NRXN3: variants seen among roughly 807,000 people sequenced by gnomAD.
NRXN3 encodes the protein neurexin III.
In NRXN3, 32 loss-of-function variants were observed where a neutral mutation model predicts 137.6. That is an observed-to-expected ratio of 0.23 (90% CI 0.18 to 0.31). The LOEUF (loss-of-function observed/expected upper bound fraction) is 0.31, where lower values mean the gene tolerates loss of function less well. NRXN3 is among the 10% of genes least tolerant of loss of function. The pLI, the probability that NRXN3 is intolerant of heterozygous loss-of-function variation, is 1.00. For missense variants in NRXN3, 1,574 were observed against 2,062.5 expected, an observed-to-expected ratio of 0.76 and a Z score of 4.59; for synonymous variants, 798 against 784.5, an observed-to-expected ratio of 1.02 and a Z score of -0.29.
intron 8 of NRXN3, among the ~76,000 whole-genome samples, chr14:78,773,523 C>A (rs1317025558): frequency 1.3e-5 from 2 of 152,090 alleles, no homozygotes; most frequent in Non-Finnish European, 2.9e-5. Flanking sequence ...AATTCAGCTC[C>A]CACACTCCCC....
In NRXN3 at chr14:78,654,557, T is replaced by C. The variant is rs191067336; in HGVS notation, c.1221+3231T>C. Among the ~76,000 whole-genome samples the C allele has an allele frequency of 5.1e-4, 77 of 152,354 alleles. 1 individual carries two copies. Among genetic ancestry groups the C allele is most frequent in the Admixed American group, 5.0e-3 (77 of 15,298 alleles). On this transcript the variant is annotated intron_variant, in intron 6 of 20. Transcript: ENST00000335750. ...CCGTGATTGTGCCAAAGGGACTGGA[T>C]ATTACTTGTGTGCGTACTTCCTAAC...
chr14:78,813,942 A>G (rs2098923213), intron 10 of NRXN3, among the ~76,000 whole-genome samples: 1 of 152,100 alleles, frequency 6.6e-6, no homozygotes, highest in African/African-American at 2.4e-5. Flanking sequence ...AAGAAAAGCA[A>G]TTTTCTAATC....
chr14:79,136,525 A>G (rs1027906401), intron 15 of NRXN3, among the ~76,000 whole-genome samples: 1 of 152,226 alleles, frequency 6.6e-6, no homozygotes, highest in Non-Finnish European at 1.5e-5. Context: ...GAGGAAATCC[A>G]TTAGGAGAAG....
intron 20 of NRXN3, among the ~76,000 whole-genome samples, chr14:79,813,144 C>G (rs546213534): frequency 5.5e-4 from 83 of 152,242 alleles, no homozygotes; most frequent in African/African-American, 1.9e-3. Context: ...GAAATTCACA[C>G]CATCATTCTT....
chr14:78,566,925 A>G (rs777683900), intron 4 of NRXN3, among the ~76,000 whole-genome samples: 5 of 152,176 alleles, frequency 3.3e-5, no homozygotes, highest in African/African-American at 1.2e-4. Context: ...AGGTGGGGGC[A>G]GGACTTTGGA....
intron 15 of NRXN3, among the ~76,000 whole-genome samples, chr14:79,162,773 T>C (rs2060915149): frequency 6.6e-6 from 1 of 151,920 alleles, no homozygotes; most frequent in Non-Finnish European, 1.5e-5. Flanking sequence ...GATTGTTACA[T>C]GAATTACCAA....
intron 15 of NRXN3, among the ~76,000 whole-genome samples, chr14:79,285,446 G>A (rs770736648): frequency 6.6e-6 from 1 of 152,190 alleles, no homozygotes; most frequent in Non-Finnish European, 1.5e-5. Flanking sequence ...CTGCCATAAA[G>A]TAGTAAAGTA....
intron 14 of NRXN3, among the ~76,000 whole-genome samples, chr14:78,976,322 G>A (rs1201154666): frequency 2.6e-5 from 4 of 152,064 alleles, no homozygotes; most frequent in Non-Finnish European, 2.9e-5. Flanking sequence ...AGAAATGTAA[G>A]GTGTCCCTCT....
chr14:78,809,856 T>A (rs1308670500), intron 9 of NRXN3, among the ~76,000 whole-genome samples: 2 of 152,178 alleles, frequency 1.3e-5, no homozygotes, highest in Non-Finnish European at 2.9e-5. Context: ...ACAAAAATTG[T>A]GTTAATGCTA....
intron 10 of NRXN3, among the ~76,000 whole-genome samples, chr14:78,927,698 A>G (rs2099309805): frequency 6.6e-6 from 1 of 152,078 alleles, no homozygotes; most frequent in Non-Finnish European, 1.5e-5. Context: ...TATGATATTG[A>G]TTTCATAGGT....
intron 4 of NRXN3, among the ~76,000 whole-genome samples, chr14:78,562,671 A>G (rs1429630415): frequency 6.6e-6 from 1 of 152,190 alleles, no homozygotes; most frequent in East Asian, 1.9e-4. Flanking sequence ...GCTACAATGG[A>G]CTGTAACCAC....
intron 16 of NRXN3, among the ~76,000 whole-genome samples, chr14:79,506,199 C>A (rs1433208723): frequency 1.3e-5 from 2 of 152,094 alleles, no homozygotes; most frequent in African/African-American, 4.8e-5. Flanking sequence ...CATATACATT[C>A]AAGGGGAGGG....
rs571373200 is a variant in NRXN3, at chr14:78,750,206, A to G, written c.2044+35067A>G. 1.4e-4 allele frequency among the ~76,000 whole-genome samples: 21 copies of G among 152,344 alleles called. 1 individual carries two copies. In the South Asian group the frequency reaches 4.3e-3, roughly 32 times the overall value. On this transcript the variant is annotated intron_variant, in intron 8 of 20. Coordinates refer to ENST00000335750, the MANE Select transcript of NRXN3 (RefSeq NM_001330195.2). ...TATTCTTCAGGCCAACTGATGGGTG[A>G]AGGCCAGGTTTGAGAACAGCACCTT...
chr14:78,708,904 G>A (rs537101438), intron 6 of NRXN3, among the ~76,000 whole-genome samples: 21 of 152,318 alleles, frequency 1.4e-4, no homozygotes, highest in Middle Eastern at 3.4e-3. Flanking sequence ...TATGAAGTAT[G>A]TGAATCCATG....
rs914607844 is a variant in NRXN3, at chr14:78,779,564, A to G, written c.2045-24056A>G. Among the ~76,000 whole-genome samples, 15 of 152,288 alleles carry G rather than the reference A, an allele frequency of 9.8e-5. No homozygotes were observed. The East Asian group carries it at 2.9e-3, about 29-fold the overall frequency. ...GAATCTACAGTACTTTTATTTGCAG[A>G]AAGTCCATAAGGGTTTATTGGCAGA... On this transcript the variant is annotated intron_variant, in intron 8 of 20. Transcript: ENST00000335750.
intron 4 of NRXN3, among the ~76,000 whole-genome samples, chr14:78,411,947 C>T (rs192012061): frequency 6.6e-6 from 1 of 152,280 alleles, no homozygotes; most frequent in East Asian, 1.9e-4. Context: ...AGAAAATAAC[C>T]CTTATCATTG....
At chr14:78,705,228 C>T (rs943235752) in intron 6 of NRXN3, among the ~76,000 whole-genome samples, 18 of 152,226 alleles carry the variant, frequency 1.2e-4, no homozygotes, top group African/African-American at 4.3e-4. Context: ...ACATCTCTTC[C>T]TATTTCAGCC....
chr14:78,529,643 C>T (rs2153810303), intron 4 of NRXN3, among the ~76,000 whole-genome samples: 1 of 152,264 alleles, frequency 6.6e-6, no homozygotes, highest in South Asian at 2.1e-4. Context: ...TCATCCTTCC[C>T]TCAGTTATCT....
chr14:78,466,018 A>AT (rs1225480842), intron 4 of NRXN3, among the ~76,000 whole-genome samples: 5 of 147,884 alleles, frequency 3.4e-5, no homozygotes, highest in Admixed American at 6.8e-5. Flanking sequence ...CGCCCGGCTA[A>AT]TTTTTTTTGT....
Sources: gnomAD v4.1 joint callset for allele counts (sites outside exome capture counted in the v4.1 genomes callset) on GRCh38, gnomAD v4.1.1 for gene constraint, MANE v1.5 for transcripts, NCBI Gene and HGNC (gene_info 2026-07-23, HGNC 2026-07-21) for gene names.